Variants in RELN observed in about 807,000 individuals in gnomAD.
RELN encodes the protein reelin.
RELN carries 108 observed loss-of-function variants against 427.6 expected under a neutral mutation model. That is an observed-to-expected ratio of 0.25 (90% CI 0.22 to 0.30). The LOEUF is 0.30. Among genes scored for constraint, RELN ranks in the 10% least tolerant of loss-of-function variants. The probability of loss-of-function intolerance (pLI) is 1.00; values close to 1 mark genes in which losing one functional copy is unlikely to be tolerated. For synonymous variants in RELN, 1,524 were observed against 1,513.4 expected, an observed-to-expected ratio of 1.01 and a Z score of -0.16; for missense variants, 3,715 against 4,302.8, an observed-to-expected ratio of 0.86 and a Z score of 3.82.
At chr7:103,801,587 G>C (rs1385767040) in intron 3 of RELN, among the ~76,000 whole-genome samples, 6 of 151,952 alleles carry the variant, frequency 3.9e-5, no homozygotes, top group Non-Finnish European at 5.9e-5. Context: ...TTGTGGGGTG[G>C]GGGGCAGGGA....
chr7:103,671,593 G>C (rs1833393572), intron 11 of RELN, among the ~76,000 whole-genome samples: 1 of 152,096 alleles, frequency 6.6e-6, no homozygotes, highest in Non-Finnish European at 1.5e-5. Flanking sequence ...ATAAGTCAAA[G>C]TGGTAATTCA....
intron 3 of RELN, among the ~76,000 whole-genome samples, chr7:103,819,110 A>G (rs1478569959): frequency 6.6e-6 from 1 of 152,178 alleles, no homozygotes; most frequent in Non-Finnish European, 1.5e-5. Flanking sequence ...CTCTGTACAT[A>G]TATGAATATT....
At chr7:103,876,047 G>T in intron 2 of RELN, among the ~76,000 whole-genome samples, 1 of 152,052 alleles carries the variant, frequency 6.6e-6, no homozygotes, top group East Asian at 1.9e-4. Flanking sequence ...TAACCACTAT[G>T]TTCTTGTTGC....
rs1425072615 is a variant in RELN at position 103,804,223 on chromosome 7, G to T, written c.474-27596C>A. 2.0e-5 allele frequency among the ~76,000 whole-genome samples: 3 copies of T among 152,028 alleles called. No individual in the cohort carries two copies. In the East Asian group the frequency reaches 5.8e-4, roughly 29 times the overall value. On this transcript the variant is annotated intron_variant, in intron 3 of 64. Transcript: ENST00000428762. Reference sequence around the variant, plus strand: ...TGATTCAGTTTGGGGTTAAAAGTAAGGTTATTTCAAGTACATATAAGAATT... The same window carrying T: ...TGATTCAGTTTGGGGTTAAAAGTAATGTTATTTCAAGTACATATAAGAATT...
At chr7:103,584,392 AC>A (rs1431923614) in intron 28 of RELN, among the ~76,000 whole-genome samples, 3 of 152,194 alleles carry the variant, frequency 2.0e-5, no homozygotes, top group Non-Finnish European at 1.5e-5. Flanking sequence ...CAAATGGAAA[AC>A]AAAAATGAGT....
At chr7:103,647,692 A>T (rs1024750388) in intron 16 of RELN, among the ~76,000 whole-genome samples, 4 of 151,886 alleles carry the variant, frequency 2.6e-5, no homozygotes, top group African/African-American at 9.7e-5. Context: ...TCACATAATT[A>T]GAAAAAAACA....
At chr7:103,971,289 G>A (rs1278908300) in intron 1 of RELN, among the ~76,000 whole-genome samples, 1 of 151,820 alleles carries the variant, frequency 6.6e-6, no homozygotes, top group Non-Finnish European at 1.5e-5. Flanking sequence ...TGATAGATTT[G>A]ACTACCCAAA....
chr7:103,662,625 C>CAAAAAAA (rs747230376), intron 11 of RELN, among the ~76,000 whole-genome samples: 13 of 77,292 alleles, frequency 1.7e-4, no homozygotes, highest in African/African-American at 3.2e-4. Flanking sequence ...GACTCCGTCA[C>CAAAAAAA]AAAAAAAAAA....
chr7:103,928,032 G>A (rs1337615291), intron 1 of RELN, among the ~76,000 whole-genome samples: 1 of 151,950 alleles, frequency 6.6e-6, no homozygotes, highest in Non-Finnish European at 1.5e-5. Context: ...TTAGAAAACT[G>A]ATCTAAATTC....
chr7:103,494,729 T>C (rs1828782349), intron 57 of RELN, among the ~76,000 whole-genome samples: 1 of 150,986 alleles, frequency 6.6e-6, no homozygotes, highest in Admixed American at 6.7e-5. Context: ...TAATTATTTA[T>C]GTCTTCACTT....
intron 1 of RELN, among the ~76,000 whole-genome samples, chr7:103,923,325 TC>T (rs1795656222): frequency 6.6e-6 from 1 of 152,172 alleles, no homozygotes. Context: ...TAATTTCCAT[TC>T]CAAACCTCTA....
chr7:103,878,136 C>G (rs1027162125), intron 2 of RELN, among the ~76,000 whole-genome samples: 1 of 152,232 alleles, frequency 6.6e-6, no homozygotes, highest in East Asian at 1.9e-4. Flanking sequence ...GGATTACAGG[C>G]GTGAGCAACT....
chr7:103,772,535 TAG>T (rs1791595254), intron 4 of RELN, among the ~76,000 whole-genome samples: 2 of 152,118 alleles, frequency 1.3e-5, no homozygotes, highest in South Asian at 4.2e-4. Context: ...GAGAATTCTG[TAG>T]AGAGAGTTAT....
intron 48 of RELN, among the ~76,000 whole-genome samples, chr7:103,521,667 T>C (rs1443769649): frequency 6.6e-6 from 1 of 152,222 alleles, no homozygotes; most frequent in East Asian, 1.9e-4. Context: ...CTTACATTCT[T>C]TTGTAATATG....
At chr7:103,576,214 G>T (rs1302126675) in intron 28 of RELN, among the ~76,000 whole-genome samples, 1 of 152,116 alleles carries the variant, frequency 6.6e-6, no homozygotes, top group Non-Finnish European at 1.5e-5. Context: ...CAGCCTGGGT[G>T]ACAGGGCGAG....
In RELN at chr7:103,766,394, T is replaced by C. The variant is rs190329411; in HGVS notation, c.544+10163A>G. Reference sequence around the variant, plus strand: ...ATACGTTAAAACCCAATTCTGACAATGAGAGAGAAACAAGTCTGAATTAAT... The same window carrying C: ...ATACGTTAAAACCCAATTCTGACAACGAGAGAGAAACAAGTCTGAATTAAT... On this transcript the variant is annotated intron_variant, in intron 4 of 64. Coordinates refer to ENST00000428762, the MANE Select transcript of RELN (RefSeq NM_005045.4). Among the ~76,000 whole-genome samples, 60 of 152,260 alleles carry C rather than the reference T, an allele frequency of 3.9e-4. 1 individual carries two copies. In the East Asian group the frequency reaches 6.8e-3, roughly 17 times the overall value.
chr7:103,512,852 C>T (rs145217441), intron 50 of RELN: 8 of 152,366 alleles, frequency 5.3e-5, no homozygotes, highest in Middle Eastern at 3.4e-3. Flanking sequence ...CTTGGAGCCA[C>T]TATGGAAGCA....
At chr7:103,909,668 TATATTAA>T (rs1299267799) in intron 2 of RELN, among the ~76,000 whole-genome samples, 4 of 84,736 alleles carry the variant, frequency 4.7e-5, no homozygotes, top group African/African-American at 2.1e-4. Flanking sequence ...TATATAAATA[TATATTAA>T]ATATATTTAA....
At chr7:103,691,897 T>C (rs1389310958) in intron 10 of RELN, among the ~76,000 whole-genome samples, 1 of 152,132 alleles carries the variant, frequency 6.6e-6, no homozygotes, top group Non-Finnish European at 1.5e-5. Flanking sequence ...ATCTACTATT[T>C]AATATTTTCT....
Sources: gnomAD v4.1 joint callset for allele counts (sites outside exome capture counted in the v4.1 genomes callset) on GRCh38, gnomAD v4.1.1 for gene constraint, MANE v1.5 for transcripts, NCBI Gene and HGNC (gene_info 2026-07-23, HGNC 2026-07-21) for gene names.